Variants in SLC22A15 observed in about 807,000 individuals in gnomAD.
The protein encoded by SLC22A15 is solute carrier family 22 member 15.
A neutral mutation model predicts 62.7 loss-of-function variants in SLC22A15; 45 were observed. The ratio of observed to expected loss-of-function variants is 0.72; its 90% CI spans 0.56 to 0.92. The LOEUF is 0.92. Ranked by LOEUF, SLC22A15 falls within the 40% of genes least tolerant of loss-of-function variation. SLC22A15 has a pLI of 0.00. For missense variants in SLC22A15, 622 were observed against 665.6 expected, an observed-to-expected ratio of 0.93 and a Z score of 0.72; for synonymous variants, 264 against 267.0, an observed-to-expected ratio of 0.99 and a Z score of 0.11.
At chr1:115,984,847 A>C (rs535788762) in intron 1 of SLC22A15, among the ~76,000 whole-genome samples, 2 of 152,264 alleles carry the variant, frequency 1.3e-5, no homozygotes, top group South Asian at 4.2e-4. Flanking sequence ...AAGTTCAAAA[A>C]ATTTTTAAAA....
At chr1:116,022,813 C>T (rs1268520898) in intron 4 of SLC22A15, among the ~76,000 whole-genome samples, 1 of 152,152 alleles carries the variant, frequency 6.6e-6, no homozygotes, top group Non-Finnish European at 1.5e-5. Context: ...TTGCCAAATT[C>T]AATGTGAAAT....
chr1:116,046,816 TGGA>T (rs1657941400), intron 8 of SLC22A15, among the ~76,000 whole-genome samples: 1 of 152,252 alleles, frequency 6.6e-6, no homozygotes, highest in African/African-American at 2.4e-5. Flanking sequence ...CCACCTTACC[TGGA>T]GCTGAGTCAA....
chr1:116,039,030 G>A (rs1657713292), intron 8 of SLC22A15, among the ~76,000 whole-genome samples: 1 of 152,134 alleles, frequency 6.6e-6, no homozygotes, highest in Non-Finnish European at 1.5e-5. Context: ...GGTGAAGGCA[G>A]ATGTATGGTC....
intron 1 of SLC22A15, among the ~76,000 whole-genome samples, chr1:115,984,451 T>G (rs1007300203): frequency 2.6e-5 from 4 of 152,216 alleles, no homozygotes; most frequent in African/African-American, 9.7e-5. Context: ...CACCTTGTAT[T>G]TACAGCTTTG....
At chr1:116,061,062 A>T (rs1658367346) in intron 8 of SLC22A15, among the ~76,000 whole-genome samples, 1 of 152,206 alleles carries the variant, frequency 6.6e-6, no homozygotes, top group African/African-American at 2.4e-5. Context: ...CTATTCACTA[A>T]ATTAATCCCT....
chr1:116,035,357 A>G, intron 7 of SLC22A15, 30 bp downstream of exon 7: 1 of 1,598,182 alleles, frequency 6.3e-7, no homozygotes, highest in East Asian at 2.2e-5. Flanking sequence ...TATGAAGTGC[A>G]CCGTAGAGAA....
At position 116,015,616 on chromosome 1, in the gene SLC22A15, C is replaced by T. The variant is rs550470376; in HGVS notation, c.301-3966C>T. On this transcript the variant is annotated intron_variant, in intron 2 of 11. Transcript: ENST00000369503. ...GATTAAGCACAAAACAGATCAGTTT[C>T]GTGTTTAATCAATAAAACAGGCCAA... 5.9e-5 allele frequency among the ~76,000 whole-genome samples: 9 copies of T among 152,186 alleles called. No individual in the cohort carries two copies. The South Asian group carries it at 6.2e-4, about 11-fold the overall frequency.
At chr1:115,998,721 C>CA (rs900251972) in intron 2 of SLC22A15, among the ~76,000 whole-genome samples, 1 of 151,622 alleles carries the variant, frequency 6.6e-6, no homozygotes, top group South Asian at 2.1e-4. Flanking sequence ...TTTATCTTTT[C>CA]AAAAAAACAA....
chr1:115,994,656 A>G (rs900223689), intron 2 of SLC22A15, among the ~76,000 whole-genome samples: 2 of 152,106 alleles, frequency 1.3e-5, no homozygotes, highest in Non-Finnish European at 2.9e-5. Context: ...TAGCATTATT[A>G]TTGTCTCTCT....
At position 116,035,324 on chromosome 1, in the gene SLC22A15, A is replaced by C. The variant is rs779904656; in HGVS notation, c.1082A>C (p.Lys361Thr). ...YPLCIYLINQ[K>T]WFGRKRTLSA... is the part of the protein sequence containing the mutation. The stretch of plus-strand genomic sequence containing the variant: ...CTCTGTATCTACTTGATTAACCAAA[A>C]ATGGTGAGTAAGTGTGGATGAATAT... Residue 361 changes from lysine to threonine, a missense_variant, in exon 7 of 12, where the codon AAA becomes ACA. By Grantham distance (78) the Lys-to-Thr change is moderately conservative (BLOSUM62 -1). Transcript: ENST00000369503. 5.5e-5 allele frequency: 89 copies of C among 1,611,680 alleles called. No individual in the cohort carries two copies. Among genetic ancestry groups the C allele is most frequent in the Middle Eastern group, 1.7e-4 (1 of 6,042 alleles).
chr1:115,983,298 A>C (rs1468044674), intron 1 of SLC22A15, among the ~76,000 whole-genome samples: 1 of 152,244 alleles, frequency 6.6e-6, no homozygotes, highest in Non-Finnish European at 1.5e-5. Flanking sequence ...GGAAAAATAC[A>C]GAGAGTAATA....
At chr1:115,993,645 A>T (rs1341700707) in intron 2 of SLC22A15, among the ~76,000 whole-genome samples, 1 of 152,004 alleles carries the variant, frequency 6.6e-6, no homozygotes. Flanking sequence ...AAAAGTTACT[A>T]TACTAACTTT....
At chr1:116,027,841 T>A (rs1657175018) in intron 5 of SLC22A15, among the ~76,000 whole-genome samples, 1 of 152,168 alleles carries the variant, frequency 6.6e-6, no homozygotes, top group African/African-American at 2.4e-5. Flanking sequence ...GTCAGGCTGG[T>A]CTCGAACTTC....
At chr1:115,991,843 T>C (rs1438730280) in intron 1 of SLC22A15, among the ~76,000 whole-genome samples, 188 bp from the exon 2 acceptor site, 4 of 152,258 alleles carry the variant, frequency 2.6e-5, no homozygotes, top group Non-Finnish European at 4.4e-5. Context: ...CCAATGATTC[T>C]GTTCGTGGTA....
chr1:116,047,314 C>A (rs1196823441), intron 8 of SLC22A15, among the ~76,000 whole-genome samples: 1 of 152,174 alleles, frequency 6.6e-6, no homozygotes, highest in Non-Finnish European at 1.5e-5. Context: ...GTAGTCCCAG[C>A]TACTCGGGAG....
intron 2 of SLC22A15, among the ~76,000 whole-genome samples, chr1:116,012,789 G>A (rs1656336964): frequency 6.6e-6 from 1 of 152,196 alleles, no homozygotes; most frequent in African/African-American, 2.4e-5. Context: ...TGGTGCAAAA[G>A]TGAAAAGTAT....
At position 115,976,770 on chromosome 1, in the gene SLC22A15, G is replaced by T; in HGVS notation, c.87+56G>T. On this transcript the variant is annotated intron_variant, in intron 1 of 11. Transcript: ENST00000369503. ...CCCTCTTCAGGGCCGCCCGGCGCAG[G>T]GCTAGGCGTCCGCTCCCAGACCGCC... is the stretch of plus-strand genomic sequence containing the variant. The T allele has an allele frequency of 2.2e-6, 3 of 1,389,838 alleles. No individual in the cohort carries two copies. In the South Asian group the frequency reaches 3.6e-5, roughly 17 times the overall value. The allele number at this position is 1,389,838 out of a possible 1,614,324, so 86.1% of individuals were successfully genotyped here.
Position 116,003,854 on chromosome 1 carries a change from C to T in SLC22A15, c.300+11611C>T, listed in dbSNP as rs114370257. On this transcript the variant is annotated intron_variant, in intron 2 of 11. Transcript: ENST00000369503. ...AAACTCACCCAATTGTCCCAAAGAG[C>T]TGATGTTTATGGTTTCTTTTGAATA... Among the ~76,000 whole-genome samples, 850 of 152,320 alleles carry T rather than the reference C, an allele frequency of 5.6e-3. 4 individuals are homozygous for T. Among genetic ancestry groups the T allele is most frequent in the Non-Finnish European group, 8.6e-3 (584 of 68,032 alleles).
chr1:116,028,931 C>T (rs916495211), intron 5 of SLC22A15, among the ~76,000 whole-genome samples: 1 of 152,162 alleles, frequency 6.6e-6, no homozygotes, highest in East Asian at 1.9e-4. Context: ...AGCTACAAGT[C>T]ATTGTCTTTC....
Sources: allele counts gnomAD v4.1 joint callset (sites outside exome capture counted in the v4.1 genomes callset), GRCh38; gene constraint gnomAD v4.1.1; transcripts MANE v1.5; gene names NCBI Gene and HGNC (gene_info 2026-07-23, HGNC 2026-07-21).